XPO7: variants seen among roughly 807,000 people sequenced by gnomAD.
The protein encoded by XPO7 is exportin 7.
XPO7 carries 21 observed loss-of-function variants against 144.3 expected under a neutral mutation model. The ratio of observed to expected loss-of-function variants is 0.15; its 90% CI spans 0.10 to 0.21. XPO7 has a LOEUF of 0.21. XPO7 is among the 10% of genes least tolerant of loss of function. The pLI is 1.00. For synonymous variants in XPO7, 580 were observed against 499.6 expected (o/e 1.16, Z -2.15); for missense variants, 808 against 1,325.8 (o/e 0.61, Z 6.06).
intron 3 of XPO7, 37 bp from the exon 4 acceptor site, chr8:21,970,107 A>T (rs1238428216): frequency 6.3e-7 from 1 of 1,592,906 alleles, no homozygotes; most frequent in Non-Finnish European, 8.5e-7. Context: ...GCTTTCTATT[A>T]TGTGGATTGG....
intron 13 of XPO7, among the ~76,000 whole-genome samples, chr8:21,986,463 A>G (rs146273226): frequency 6.6e-6 from 1 of 152,030 alleles, no homozygotes; most frequent in Non-Finnish European, 1.5e-5. Context: ...TTCAATATAT[A>G]TATCTTCTGA....
In XPO7 at chr8:21,963,034, G is replaced by A. The variant is rs1189218672; in HGVS notation, c.19-3823G>A. On this transcript the variant is annotated intron_variant, in intron 1 of 27. Transcript: ENST00000252512. Reference sequence around the variant, plus strand: ...CAACTAAGGGGGACATAAATTAAAAGGGTTTGTGAAAAGGGTGAAAGTGGC... The same window carrying A: ...CAACTAAGGGGGACATAAATTAAAAAGGTTTGTGAAAAGGGTGAAAGTGGC... 3.3e-5 allele frequency among the ~76,000 whole-genome samples: 5 copies of A among 152,148 alleles called. No individual in the cohort carries two copies. The East Asian group carries it at 9.6e-4, about 29-fold the overall frequency.
rs745752139 is a variant in XPO7 at position 21,988,977 on chromosome 8, C to CTTTTTTTT, written c.1788-23_1788-16dup. On this transcript the variant is annotated intron_variant, in intron 15 of 27. Transcript: ENST00000252512. ...ACCAGCAAATCAAAAGGGTCTCCTGCTTTTTTTTTTCTTTTTGTCCTCCAG... is the reference window on the plus strand; with the variant it reads ...ACCAGCAAATCAAAAGGGTCTCCTGCTTTTTTTTTTTTTTTTTTCTTTTTGTCCTCCAG... 9 of 1,433,528 alleles carry CTTTTTTTT rather than the reference C, an allele frequency of 6.3e-6. No individual in the cohort carries two copies. In the Admixed American group the frequency reaches 7.5e-5, roughly 12 times the overall value. The allele number at this position is 1,433,528 out of a possible 1,614,324, so 88.8% of individuals were successfully genotyped here.
At chr8:21,945,466 T>G (rs899348608) in intron 1 of XPO7, among the ~76,000 whole-genome samples, 6 of 152,156 alleles carry the variant, frequency 3.9e-5, no homozygotes, top group African/African-American at 1.4e-4. Flanking sequence ...ATCCTGCAGG[T>G]AGGTATGGAA....
In XPO7 at chr8:21,994,350, C is replaced by T. The variant is rs370788503; in HGVS notation, c.2149-13C>T. 19 of 1,607,438 alleles carry T rather than the reference C, an allele frequency of 1.2e-5. No homozygotes were observed. Among genetic ancestry groups the T allele is most frequent in the Non-Finnish European group, 1.6e-5 (19 of 1,175,736 alleles). ...TTTCTTCTATTTTAACACATTTTTGCCTTCTACTACAGCGAACTCTAGTTG... is the reference window on the plus strand; with the variant it reads ...TTTCTTCTATTTTAACACATTTTTGTCTTCTACTACAGCGAACTCTAGTTG... On this transcript the variant is annotated splice_polypyrimidine_tract_variant and intron_variant, in intron 19 of 27. Transcript: ENST00000252512.
intron 4 of XPO7, 62 bp from the exon 5 acceptor site, chr8:21,971,814 T>C: frequency 6.9e-7 from 1 of 1,451,588 alleles, no homozygotes; most frequent in Non-Finnish European, 9.5e-7. Context: ...TATGAGTGCA[T>C]TCCAAATGCC....
chr8:21,986,168 C>T (rs1457082791), intron 13 of XPO7, among the ~76,000 whole-genome samples: 15 of 142,428 alleles, frequency 1.1e-4, no homozygotes, highest in Admixed American at 7.2e-5. Context: ...GATGGAGTCT[C>T]GCTCTGTCAC....
At chr8:21,954,200 T>C (rs151032583) in intron 1 of XPO7, among the ~76,000 whole-genome samples, 1 of 152,232 alleles carries the variant, frequency 6.6e-6, no homozygotes, top group African/African-American at 2.4e-5. Context: ...AATTGGTGAT[T>C]GTGTGTTTTT....
chr8:21,993,915 G>C (rs74935189), intron 19 of XPO7, among the ~76,000 whole-genome samples: 48 of 141,128 alleles, frequency 3.4e-4, no homozygotes, highest in Non-Finnish European at 5.2e-4. Flanking sequence ...TCTTTGCCGT[G>C]TCTCTCTCTC....
chr8:21,956,284 T>C (rs1314309376), intron 1 of XPO7, among the ~76,000 whole-genome samples: 1 of 152,214 alleles, frequency 6.6e-6, no homozygotes, highest in Admixed American at 6.5e-5. Flanking sequence ...TCCAGAGCCA[T>C]GTGATTCCTG....
rs143965748 is a variant in XPO7, at chr8:21,984,560, A to G, written c.1278-86A>G. Reference sequence around the variant, plus strand: ...ACCTCTACAGTCAGAAATGGTGGCTAAGTGAAGAAGTCAGAGAGCTGCTAT... The same window carrying G: ...ACCTCTACAGTCAGAAATGGTGGCTGAGTGAAGAAGTCAGAGAGCTGCTAT... On this transcript the variant is annotated intron_variant, in intron 11 of 27. Coordinates refer to ENST00000252512, the MANE Select transcript of XPO7 (RefSeq NM_015024.5). 9 of 1,255,150 alleles carry G rather than the reference A, an allele frequency of 7.2e-6. No individual in the cohort carries two copies. In the African/African-American group the frequency reaches 1.2e-4, roughly 17 times the overall value. 77.8% of individuals were successfully genotyped at this position (1,255,150 alleles called of 1,614,324 possible). A position where few individuals can be genotyped will look rare whatever the true frequency, so the allele number is the denominator to read the frequency against.
intron 1 of XPO7, among the ~76,000 whole-genome samples, chr8:21,922,036 G>A (rs1810305852): frequency 6.6e-6 from 1 of 152,140 alleles, no homozygotes; most frequent in African/African-American, 2.4e-5. Context: ...TGAGGGGAGG[G>A]TGGCGGGGAT....
At chr8:21,981,273 T>C (rs1213397009) in intron 9 of XPO7, among the ~76,000 whole-genome samples, 1 of 152,240 alleles carries the variant, frequency 6.6e-6, no homozygotes, top group African/African-American at 2.4e-5. Context: ...TATGAAACAT[T>C]TGTATAACTT....
intron 25 of XPO7, among the ~76,000 whole-genome samples, chr8:22,002,728 C>G (rs1003108785): frequency 1.3e-5 from 2 of 152,058 alleles, no homozygotes; most frequent in African/African-American, 4.8e-5. Flanking sequence ...AAGTAACTTA[C>G]AGAAATACAT....
intron 13 of XPO7, among the ~76,000 whole-genome samples, chr8:21,986,775 A>G (rs1423419986): frequency 1.3e-5 from 2 of 152,234 alleles, no homozygotes; most frequent in Non-Finnish European, 2.9e-5. Context: ...ATAGTTAACT[A>G]TTCCCACACT....
At chr8:21,944,393 C>G (rs546942043) in intron 1 of XPO7, among the ~76,000 whole-genome samples, 48 of 152,186 alleles carry the variant, frequency 3.2e-4, no homozygotes, top group African/African-American at 1.2e-3. Flanking sequence ...CGTGGTGAAA[C>G]CCCATGTCTA....
rs189048690 is a variant in XPO7 at position 21,961,852 on chromosome 8, G to A, written c.19-5005G>A. Among the ~76,000 whole-genome samples, 7 of 145,868 alleles carry A rather than the reference G, an allele frequency of 4.8e-5. No individual in the cohort carries two copies. In the East Asian group the frequency reaches 5.8e-4, roughly 12 times the overall value. On this transcript the variant is annotated intron_variant, in intron 1 of 27. Coordinates refer to ENST00000252512, the MANE Select transcript of XPO7 (RefSeq NM_015024.5). ...TAAGTTTTGTACTTTTAGTAGAGACGGGGTTTCATCACGTCGGCCATGCCG... is the reference window on the plus strand; with the variant it reads ...TAAGTTTTGTACTTTTAGTAGAGACAGGGTTTCATCACGTCGGCCATGCCG...
chr8:21,956,121 T>G (rs905867041), intron 1 of XPO7, among the ~76,000 whole-genome samples: 2 of 152,172 alleles, frequency 1.3e-5, no homozygotes, highest in African/African-American at 4.8e-5. Flanking sequence ...GGATAGATTT[T>G]TGTGGCCTTA....
chr8:21,965,611 T>C (rs1811857306), intron 1 of XPO7, among the ~76,000 whole-genome samples: 1 of 152,224 alleles, frequency 6.6e-6, no homozygotes, highest in Non-Finnish European at 1.5e-5. Context: ...GAAGTAGGAC[T>C]GATGATCTTA....
Sources: allele counts gnomAD v4.1 joint callset (sites outside exome capture counted in the v4.1 genomes callset), GRCh38; gene constraint gnomAD v4.1.1; transcripts MANE v1.5; gene names NCBI Gene and HGNC (gene_info 2026-07-23, HGNC 2026-07-21).